ALK: variants seen among roughly 807,000 people sequenced by gnomAD.
ALK encodes the protein ALK tyrosine kinase receptor.
ALK carries 74 observed loss-of-function variants against 163.1 expected under a neutral mutation model. The observed-to-expected ratio is 0.45, with a 90% CI of 0.38 to 0.55. ALK has a LOEUF of 0.55. ALK is among the 20% of genes least tolerant of loss of function. The probability of loss-of-function intolerance (pLI) is 0.00; values close to 1 mark genes in which losing one functional copy is unlikely to be tolerated. For missense variants in ALK, 2,063 were observed against 2,105.3 expected (o/e 0.98, Z 0.39); for synonymous variants, 960 against 843.2 (o/e 1.14, Z -2.40).
intron 1 of ALK, among the ~76,000 whole-genome samples, chr2:29,727,502 T>C (rs1333763194): frequency 6.6e-6 from 1 of 152,154 alleles, no homozygotes; most frequent in East Asian, 1.9e-4. Flanking sequence ...TGCTTAACCT[T>C]TTTCAAGCTT....
intron 12 of ALK, among the ~76,000 whole-genome samples, chr2:29,249,423 G>C (rs1031179103): frequency 6.6e-6 from 1 of 152,160 alleles, no homozygotes; most frequent in African/African-American, 2.4e-5. Context: ...CTCATTTCCA[G>C]AGGCTTCCAG....
chr2:29,387,312 T>C (rs376870520), intron 4 of ALK, among the ~76,000 whole-genome samples: 2 of 152,332 alleles, frequency 1.3e-5, no homozygotes, highest in East Asian at 3.9e-4. Context: ...TTCTGATCAA[T>C]TGTATTCTGC....
chr2:29,775,146 A>C (rs1681137217), intron 1 of ALK, among the ~76,000 whole-genome samples: 1 of 152,206 alleles, frequency 6.6e-6, no homozygotes, highest in Admixed American at 6.5e-5. Flanking sequence ...GTCCCCTTTG[A>C]CTGACTAAAA....
chr2:29,575,719 G>C (rs1674505719), intron 3 of ALK, among the ~76,000 whole-genome samples: 1 of 152,228 alleles, frequency 6.6e-6, no homozygotes, highest in Non-Finnish European at 1.5e-5. Flanking sequence ...GAATTCCCAA[G>C]CTGGCAATTT....
At chr2:29,580,875 C>T (rs1413407686) in intron 3 of ALK, among the ~76,000 whole-genome samples, 1 of 152,166 alleles carries the variant, frequency 6.6e-6, no homozygotes, top group Non-Finnish European at 1.5e-5. Flanking sequence ...AGGGACGGCT[C>T]CTATGCCCTT....
intron 4 of ALK, among the ~76,000 whole-genome samples, chr2:29,461,886 G>T (rs1671092002): frequency 6.8e-6 from 1 of 146,758 alleles, no homozygotes; most frequent in East Asian, 2.0e-4. Flanking sequence ...AACTCTTCTG[G>T]AAAAAAAAAA....
Position 29,594,356 on chromosome 2 carries a change from G to C in ALK, c.953-62240C>G, listed in dbSNP as rs113657675. ...CACATTCGGTAAAATCACGTCAGTA[G>C]CTTAAAGTGGCCATGGTGGCAACAT... On this transcript the variant is annotated intron_variant, in intron 3 of 28. Coordinates refer to ENST00000389048, the MANE Select transcript of ALK (RefSeq NM_004304.5). Among the ~76,000 whole-genome samples, 331 of 151,602 alleles carry C rather than the reference G, an allele frequency of 2.2e-3. 2 individuals carry two copies. Among genetic ancestry groups the C allele is most frequent in the South Asian group, 0.017 (81 of 4,794 alleles).
intron 11 of ALK, among the ~76,000 whole-genome samples, chr2:29,268,731 T>C (rs1465175136): frequency 6.6e-6 from 1 of 152,172 alleles, no homozygotes; most frequent in Non-Finnish European, 1.5e-5. Flanking sequence ...CAGTATTTAG[T>C]ATTGTTCCTA....
At chr2:29,533,613 T>C (rs1049419518) in intron 3 of ALK, among the ~76,000 whole-genome samples, 3 of 152,192 alleles carry the variant, frequency 2.0e-5, no homozygotes, top group African/African-American at 4.8e-5. Context: ...GAGAGGCACA[T>C]GGACACCAGA....
At chr2:29,260,470 G>C (rs1665058325) in intron 11 of ALK, among the ~76,000 whole-genome samples, 1 of 152,000 alleles carries the variant, frequency 6.6e-6, no homozygotes, top group Non-Finnish European at 1.5e-5. Context: ...AGTTTTCCTG[G>C]ATTTTTAGGG....
intron 1 of ALK, among the ~76,000 whole-genome samples, chr2:29,809,392 G>A (rs988730898): frequency 6.6e-6 from 1 of 152,194 alleles, no homozygotes; most frequent in African/African-American, 2.4e-5. Flanking sequence ...CTAATAGCAA[G>A]TAATAAGGCA....
chr2:29,817,775 A>G (rs909317891), intron 1 of ALK, among the ~76,000 whole-genome samples: 2 of 152,214 alleles, frequency 1.3e-5, no homozygotes, highest in African/African-American at 4.8e-5. Flanking sequence ...ATTAAACAAA[A>G]GTAATGAAGA....
At chr2:29,918,687 T>C (rs775038501) in intron 1 of ALK, among the ~76,000 whole-genome samples, 1 of 152,214 alleles carries the variant, frequency 6.6e-6, no homozygotes. Flanking sequence ...ATATCCCTCC[T>C]GCATGAGAGT....
chr2:29,623,133 G>T (rs181864720), intron 3 of ALK, among the ~76,000 whole-genome samples: 1 of 152,312 alleles, frequency 6.6e-6, no homozygotes, highest in Non-Finnish European at 1.5e-5. Flanking sequence ...TTGATTCAAG[G>T]TTCTTGGAAA....
In ALK at chr2:29,196,753, G is replaced by C. The variant is rs1185203203; in HGVS notation, c.4164+17C>G. 6.3e-7 allele frequency: 1 copy of C among 1,590,936 alleles called. No individual in the cohort carries two copies. Reference sequence around the variant, plus strand: ...TCATATAGAGTAAATGTTGACCAAAGGGAGAAAATGTTTTACCTGGGTGCA... The same window carrying C: ...TCATATAGAGTAAATGTTGACCAAACGGAGAAAATGTTTTACCTGGGTGCA... On this transcript the variant is annotated intron_variant, in intron 28 of 28. Coordinates refer to ENST00000389048, the MANE Select transcript of ALK (RefSeq NM_004304.5).
chr2:29,493,259 C>G (rs1431726953), intron 4 of ALK, among the ~76,000 whole-genome samples: 1 of 152,178 alleles, frequency 6.6e-6, no homozygotes, highest in Non-Finnish European at 1.5e-5. Flanking sequence ...TCAAATGGCT[C>G]CACCTGGGTA....
intron 9 of ALK, among the ~76,000 whole-genome samples, chr2:29,281,428 G>A (rs906604891): frequency 2.0e-5 from 3 of 152,198 alleles, no homozygotes; most frequent in Admixed American, 1.3e-4. Context: ...GCCTAAGAAC[G>A]TGGCAGGGGA....
At chr2:29,545,076 C>G (rs1296911969) in intron 3 of ALK, among the ~76,000 whole-genome samples, 1 of 152,168 alleles carries the variant, frequency 6.6e-6, no homozygotes, top group Non-Finnish European at 1.5e-5. Flanking sequence ...CAGATGCCTG[C>G]AGATGTTCCT....
At chr2:29,651,591 A>C (rs1677036903) in intron 3 of ALK, among the ~76,000 whole-genome samples, 1 of 152,182 alleles carries the variant, frequency 6.6e-6, no homozygotes, top group Admixed American at 6.5e-5. Context: ...CCAAACTCTG[A>C]GAGTCACCCA....
Sources: allele counts gnomAD v4.1 joint callset (sites outside exome capture counted in the v4.1 genomes callset), GRCh38; gene constraint gnomAD v4.1.1; transcripts MANE v1.5; gene names NCBI Gene and HGNC (gene_info 2026-07-23, HGNC 2026-07-21).